Variants in PCLO observed in about 807,000 individuals in gnomAD.
PCLO encodes the protein piccolo presynaptic cytomatrix protein.
Under a neutral mutation model 427.5 loss-of-function variants are expected in PCLO, and 82 were observed. The ratio of observed to expected loss-of-function variants is 0.19; its 90% CI spans 0.16 to 0.23. The LOEUF (loss-of-function observed/expected upper bound fraction) is 0.23, where lower values mean the gene tolerates loss of function less well. Among genes scored for constraint, PCLO ranks in the 10% least tolerant of loss-of-function variants. The pLI is 1.00. For missense variants in PCLO, 6,239 were observed against 6,115.9 expected, an observed-to-expected ratio of 1.02 and a Z score of -0.67; for synonymous variants, 2,357 against 2,155.4, an observed-to-expected ratio of 1.09 and a Z score of -2.59.
At chr7:82,922,195 T>C (rs1359350311) in intron 6 of PCLO, among the ~76,000 whole-genome samples, 1 of 151,498 alleles carries the variant, frequency 6.6e-6, no homozygotes, top group Non-Finnish European at 1.5e-5. Context: ...TCAAAGAACT[T>C]AAAAAAAACC....
At chr7:83,016,038 C>T (rs1788198054) in intron 3 of PCLO, among the ~76,000 whole-genome samples, 1 of 152,024 alleles carries the variant, frequency 6.6e-6, no homozygotes, top group Non-Finnish European at 1.5e-5. Flanking sequence ...GAATTGTTTT[C>T]ATGAACGTGC....
rs758472085 is a variant in PCLO, at chr7:82,956,793, T to C, written c.4160A>G (p.Asp1387Gly). The C allele has an allele frequency of 1.2e-6, 2 of 1,613,732 alleles. No individual in the cohort carries two copies. Among genetic ancestry groups the C allele is most frequent in the Non-Finnish European group, 1.7e-6 (2 of 1,179,698 alleles). ...GTCCTTTTTGAGTCCCTTGAGAATA[T>C]CCTTTTCATCAGTTGGAATAAGACT... ...IPSLIPTDEK[D>G]ILKGLKKDSF... is the part of the protein sequence containing the mutation. Residue 1387 changes from aspartate to glycine, a missense_variant, in exon 5 of 25, where the codon GAT becomes GGT. By Grantham distance (94) the Asp-to-Gly change is moderately conservative. Around this residue, in one of 5 missense-constraint regions of PCLO, gnomAD observed 4,677 missense variants for 4,468.4 expected, o/e 1.05. Transcript: ENST00000333891.
chr7:83,079,079 T>C (rs905697303), intron 3 of PCLO, among the ~76,000 whole-genome samples: 3 of 152,262 alleles, frequency 2.0e-5, no homozygotes, highest in Admixed American at 1.3e-4. Flanking sequence ...CCAAACATCA[T>C]TATTTTGCAC....
intron 6 of PCLO, 23 bp from the exon 7 acceptor site, chr7:82,916,896 T>C (rs1197340105): frequency 2.7e-6 from 4 of 1,498,088 alleles, no homozygotes; most frequent in South Asian, 1.3e-5. Context: ...AAACAAAATA[T>C]AGTACTTTAG....
chr7:82,909,839 G>A (rs1794279484), intron 7 of PCLO, among the ~76,000 whole-genome samples: 1 of 152,008 alleles, frequency 6.6e-6, no homozygotes, highest in South Asian at 2.1e-4. Flanking sequence ...AAAATAGATT[G>A]AAGACTTGGT....
chr7:83,097,512 A>T (rs975085320), intron 3 of PCLO, among the ~76,000 whole-genome samples: 4 of 134,624 alleles, frequency 3.0e-5, no homozygotes, highest in African/African-American at 1.1e-4. Flanking sequence ...ACAGAGCAAG[A>T]CCCAGTCTCA....
rs552614451 is a variant in PCLO at position 82,754,992 on chromosome 7, C to T, written c.*3583G>A. On this transcript the variant is annotated 3_prime_UTR_variant, in exon 25 of 25. Coordinates refer to ENST00000333891, the MANE Select transcript of PCLO (RefSeq NM_033026.6). ...TAAAGTAAAAAAATACTATAAACAT[C>T]TTTATGATATTTTAATGAAATGAAG... The T allele has an allele frequency of 1.5e-4, 23 of 152,060 alleles. No homozygotes were observed. The South Asian group carries it at 4.6e-3, about 30-fold the overall frequency. 9.4% of individuals were successfully genotyped at this position (152,060 alleles called of 1,614,324 possible). A position where few individuals can be genotyped will look rare whatever the true frequency, so the allele number is the denominator to read the frequency against.
chr7:82,921,634 T>C (rs574784768), intron 6 of PCLO, among the ~76,000 whole-genome samples: 60 of 151,910 alleles, frequency 3.9e-4, no homozygotes, highest in African/African-American at 1.4e-3. Flanking sequence ...CCTAAAACTA[T>C]AAAAACCCTA....
intron 3 of PCLO, among the ~76,000 whole-genome samples, chr7:82,975,282 T>C (rs965886423): frequency 6.6e-6 from 1 of 152,152 alleles, no homozygotes; most frequent in African/African-American, 2.4e-5. Context: ...TACAAAGAAA[T>C]ATGCATTTGG....
intron 11 of PCLO, 75 bp downstream of exon 11, chr7:82,847,064 C>G: frequency 1.4e-6 from 1 of 725,816 alleles, no homozygotes; most frequent in Admixed American, 2.5e-5. Context: ...GGCAAAGGTT[C>G]CACCTTAACA....
At chr7:83,061,375 T>C (rs1024890822) in intron 3 of PCLO, among the ~76,000 whole-genome samples, 6 of 152,180 alleles carry the variant, frequency 3.9e-5, no homozygotes, top group African/African-American at 1.4e-4. Flanking sequence ...TTGTCTTTAT[T>C]AAAGGTCTAC....
chr7:82,865,544 T>C (rs1245130981), intron 10 of PCLO, among the ~76,000 whole-genome samples: 1 of 152,034 alleles, frequency 6.6e-6, no homozygotes, highest in African/African-American at 2.4e-5. Flanking sequence ...TTATATGGTA[T>C]ATTTCCTACT....
At chr7:83,000,288 AGAGAGAGAGAG>A (rs1787787088) in intron 3 of PCLO, among the ~76,000 whole-genome samples, 9 of 150,750 alleles carry the variant, frequency 6.0e-5, no homozygotes, top group East Asian at 2.0e-4. Context: ...AGAGAGAGAG[AGAGAGAGAGAG>A]AGAGAGAAAA....
chr7:82,755,087 A>T lies in PCLO; in HGVS notation c.*3488T>A, dbSNP rs1056349840. Reference sequence around the variant, plus strand: ...TACTTTTATTTTACTTCACATCACCACCACCGCTAATATCACTACTGCTAC... The same window carrying T: ...TACTTTTATTTTACTTCACATCACCTCCACCGCTAATATCACTACTGCTAC... On this transcript the variant is annotated 3_prime_UTR_variant, in exon 25 of 25. Coordinates refer to ENST00000333891, the MANE Select transcript of PCLO (RefSeq NM_033026.6). 1.3e-5 allele frequency: 2 copies of T among 152,022 alleles called. No individual in the cohort carries two copies. Among genetic ancestry groups the T allele is most frequent in the Admixed American group, 1.3e-4 (2 of 15,224 alleles). 9.4% of individuals were successfully genotyped at this position (152,022 alleles called of 1,614,324 possible).
intron 3 of PCLO, among the ~76,000 whole-genome samples, chr7:83,107,939 A>C (rs2116511527): frequency 6.7e-6 from 1 of 148,566 alleles, no homozygotes; most frequent in South Asian, 2.1e-4. Context: ...CAGTGAGCCA[A>C]GATCGTGCCA....
chr7:83,091,362 C>A (rs1790373841), intron 3 of PCLO, among the ~76,000 whole-genome samples: 1 of 152,114 alleles, frequency 6.6e-6, no homozygotes, highest in Non-Finnish European at 1.5e-5. Context: ...GAATCATATT[C>A]TCTCCAGGCA....
In PCLO at chr7:83,041,386, A is replaced by T. The variant is rs1788969602; in HGVS notation, c.3301-74899T>A. Among the ~76,000 whole-genome samples, 3 of 152,112 alleles carry T rather than the reference A, an allele frequency of 2.0e-5. No homozygotes were observed. In the South Asian group the frequency reaches 6.2e-4, roughly 31 times the overall value. On this transcript the variant is annotated intron_variant, in intron 3 of 24. Transcript: ENST00000333891. ...TGTTAAAGTCTCTATTTTAAAATAGACTTATATTTTCATAACAGTATAGAC... is the reference window on the plus strand; with the variant it reads ...TGTTAAAGTCTCTATTTTAAAATAGTCTTATATTTTCATAACAGTATAGAC...
chr7:83,119,271 G>T (rs188779255), intron 3 of PCLO, among the ~76,000 whole-genome samples: 1 of 152,224 alleles, frequency 6.6e-6, no homozygotes, highest in East Asian at 1.9e-4. Flanking sequence ...GTGGTTATGG[G>T]AGTGCTTGTG....
Position 82,954,966 on chromosome 7 carries a change from G to A in PCLO, c.5987C>T (p.Ser1996Leu). 1 of 1,613,760 alleles carries A rather than the reference G, an allele frequency of 6.2e-7. No individual in the cohort carries two copies. Among genetic ancestry groups the A allele is most frequent in the Non-Finnish European group, 8.5e-7 (1 of 1,179,838 alleles). Residue 1996 changes from serine to leucine, a missense_variant, in exon 5 of 25, where the codon TCA becomes TTA. By Grantham distance (145) the Ser-to-Leu change is moderately radical. Transcript: ENST00000333891. The part of the protein sequence containing the change: ...QKGREQKIRL[S>L]EQIYEDPMQK... ...CATAGGATCTTCATAAATCTGTTCT[G>A]AAAGTCTTATCTTTTGCTCTCTTCC...
Sources: gnomAD v4.1 joint callset for allele counts (sites outside exome capture counted in the v4.1 genomes callset) on GRCh38, gnomAD v4.1.1 for gene constraint, gnomAD v4.1.1 regional missense constraint, MANE v1.5 for transcripts, NCBI Gene and HGNC (gene_info 2026-07-23, HGNC 2026-07-21) for gene names.